The following GALNTL5 variants were observed in gnomAD, a reference collection of about 807,000 sequenced individuals.
GALNTL5 encodes inactive polypeptide N-acetylgalactosaminyltransferase-like protein 5.
In GALNTL5, 44 loss-of-function variants were observed where a neutral mutation model predicts 51.0. That is an observed-to-expected ratio of 0.86 (90% CI 0.68 to 1.11). GALNTL5 has a LOEUF of 1.11. GALNTL5 is among the 50% of genes least tolerant of loss of function. The probability of loss-of-function intolerance (pLI) is 0.00; values close to 1 mark genes in which losing one functional copy is unlikely to be tolerated. For missense variants in GALNTL5, 528 were observed against 531.8 expected (o/e 0.99, Z 0.07); for synonymous variants, 192 against 182.8 (o/e 1.05, Z -0.41).
At chr7:151,994,014 G>GA (rs1408189159) in intron 5 of GALNTL5, among the ~76,000 whole-genome samples, 1 of 152,154 alleles carries the variant, frequency 6.6e-6, no homozygotes, top group Non-Finnish European at 1.5e-5. Context: ...TCATATCTTT[G>GA]ATGATGGAAT....
At chr7:151,999,990 A>C (rs1425380903) in intron 5 of GALNTL5, among the ~76,000 whole-genome samples, 1 of 152,236 alleles carries the variant, frequency 6.6e-6, no homozygotes, top group Non-Finnish European at 1.5e-5. Context: ...TTTTGGAGAA[A>C]GCTACTGCTC....
chr7:151,994,564 G>A (rs1172453627), intron 5 of GALNTL5, among the ~76,000 whole-genome samples: 1 of 151,844 alleles, frequency 6.6e-6, no homozygotes, highest in Non-Finnish European at 1.5e-5. Context: ...CTCCCAGCCT[G>A]CCAAGCCTCA....
intron 4 of GALNTL5, among the ~76,000 whole-genome samples, chr7:151,984,930 C>T (rs767901848): frequency 7.9e-5 from 12 of 152,212 alleles, no homozygotes; most frequent in Admixed American, 6.5e-4. Flanking sequence ...GGAGACGTAA[C>T]TGGTGTCTTA....
intron 7 of GALNTL5, among the ~76,000 whole-genome samples, chr7:152,011,486 G>C (rs1016449102): frequency 6.6e-6 from 1 of 152,232 alleles, no homozygotes; most frequent in Non-Finnish European, 1.5e-5. Flanking sequence ...GCCATCCCCA[G>C]ATGCTGGCAA....
chr7:151,973,274 G>A (rs1009961559), intron 3 of GALNTL5, among the ~76,000 whole-genome samples: 3 of 151,374 alleles, frequency 2.0e-5, no homozygotes, highest in Non-Finnish European at 4.4e-5. Context: ...GGCCAGGATG[G>A]TGAAACCCCA....
At chr7:152,000,902 T>C (rs2081568213) in intron 5 of GALNTL5, among the ~76,000 whole-genome samples, 1 of 146,422 alleles carries the variant, frequency 6.8e-6, no homozygotes, top group African/African-American at 2.7e-5. Context: ...TCTTTTCTTT[T>C]TTTTCTTTCT....
chr7:151,963,660 A>T (rs907343137), intron 1 of GALNTL5, among the ~76,000 whole-genome samples: 2 of 152,146 alleles, frequency 1.3e-5, no homozygotes, highest in Non-Finnish European at 2.9e-5. Context: ...GGCCTCTGGA[A>T]GTGCTGGGAT....
intron 2 of GALNTL5, 173 bp from the exon 3 acceptor site, chr7:151,970,770 ATG>A (rs1441442575): frequency 6.5e-6 from 3 of 460,376 alleles, no homozygotes; most frequent in African/African-American, 6.2e-5. Context: ...GCAATGCAAA[ATG>A]TACTAAAACA....
At chr7:151,973,108 G>C (rs1213160307) in intron 3 of GALNTL5, among the ~76,000 whole-genome samples, 1 of 152,140 alleles carries the variant, frequency 6.6e-6, no homozygotes, top group Non-Finnish European at 1.5e-5. Flanking sequence ...CCCACCCCTT[G>C]CATCACTGTG....
intron 8 of GALNTL5, among the ~76,000 whole-genome samples, chr7:152,015,760 C>T (rs971196245): frequency 2.6e-5 from 4 of 152,268 alleles, no homozygotes; most frequent in Middle Eastern, 6.8e-3. Context: ...TACCACTTTT[C>T]GACCAACAGC....
chr7:151,986,171 A>G (rs1306421327), intron 4 of GALNTL5, among the ~76,000 whole-genome samples: 2 of 152,320 alleles, frequency 1.3e-5, no homozygotes, highest in East Asian at 3.9e-4. Flanking sequence ...CTCTCAGCTG[A>G]GGAAACTAAG....
chr7:151,966,990 T>C (rs2081068333), intron 1 of GALNTL5, among the ~76,000 whole-genome samples: 1 of 152,220 alleles, frequency 6.6e-6, no homozygotes, highest in Non-Finnish European at 1.5e-5. Context: ...TGACACCGTA[T>C]GTTTTATAAG....
chr7:151,960,448 A>G (rs1256270337), intron 1 of GALNTL5: 2 of 152,244 alleles, frequency 1.3e-5, no homozygotes, highest in African/African-American at 4.8e-5. Flanking sequence ...ATTTTCCTGG[A>G]CCATTAGCAA....
rs187832988 is a variant in GALNTL5 at position 152,018,898 on chromosome 7, G to A, written c.1177-748G>A. Among the ~76,000 whole-genome samples the A allele has an allele frequency of 8.5e-5, 13 of 152,260 alleles. No homozygotes were observed. In the East Asian group the frequency reaches 2.3e-3, roughly 27 times the overall value. ...ATTCAACACTATCACTACCCTGAATGCCAGGCCTGGGAAAACACAGATGAA... is the reference window on the plus strand; with the variant it reads ...ATTCAACACTATCACTACCCTGAATACCAGGCCTGGGAAAACACAGATGAA... On this transcript the variant is annotated intron_variant, in intron 8 of 8. Transcript: ENST00000392800.
rs149825214 is a variant in GALNTL5 at position 152,019,707 on chromosome 7, G to A, written c.1238G>A (p.Arg413His). ...KYVTYGNIRE[R>H]VELRKRLGCK... ...GTCACCTACGGAAATATTCGCGAGC[G>A]TGTTGAGTTAAGGAAACGACTGGGT... Residue 413 changes from arginine (R) to histidine (H), a missense_variant, in exon 9 of 9, where the codon CGT (arginine) becomes CAT (histidine). By Grantham distance (29) the Arg-to-His change is conservative. Coordinates refer to ENST00000392800, the MANE Select transcript of GALNTL5 (RefSeq NM_145292.4). The A allele has an allele frequency of 6.7e-5, 108 of 1,613,886 alleles. No individual in the cohort carries two copies. In the African/African-American group the frequency reaches 1.1e-3, roughly 17 times the overall value.
At chr7:151,999,145 C>T (rs191750462) in intron 5 of GALNTL5, among the ~76,000 whole-genome samples, 70 of 152,130 alleles carry the variant, frequency 4.6e-4, no homozygotes, top group African/African-American at 1.5e-3. Flanking sequence ...CTTTTTGTGT[C>T]GGGCTTCTTT....
At chr7:151,962,003 T>TC (rs1445535035) in intron 1 of GALNTL5, among the ~76,000 whole-genome samples, 3 of 65,204 alleles carry the variant, frequency 4.6e-5, no homozygotes, top group Non-Finnish European at 1.1e-4. Context: ...ATAGTTACCT[T>TC]CTTTTTTTTT....
chr7:152,017,515 A>G (rs1336875683), intron 8 of GALNTL5, among the ~76,000 whole-genome samples: 3 of 152,220 alleles, frequency 2.0e-5, no homozygotes, highest in Non-Finnish European at 4.4e-5. Context: ...ATACTGTATT[A>G]TTTCCTTCCT....
intron 5 of GALNTL5, among the ~76,000 whole-genome samples, chr7:151,993,827 C>G (rs984918520): frequency 6.6e-6 from 1 of 151,910 alleles, no homozygotes; most frequent in African/African-American, 2.4e-5. Context: ...ACTGTCCTGC[C>G]CAGGCTGGTC....
Sources: allele counts gnomAD v4.1 joint callset (sites outside exome capture counted in the v4.1 genomes callset), GRCh38; gene constraint gnomAD v4.1.1; transcripts MANE v1.5; gene names NCBI Gene and HGNC (gene_info 2026-07-23, HGNC 2026-07-21).